The following UVRAG variants were observed in gnomAD, a reference collection of about 807,000 sequenced individuals.
UVRAG encodes UV radiation resistance associated.
Under a neutral mutation model 78.0 loss-of-function variants are expected in UVRAG, and 19 were observed. That is an observed-to-expected ratio of 0.24 (90% CI 0.17 to 0.36). UVRAG has a LOEUF of 0.36. UVRAG is among the 10% of genes least tolerant of loss of function. The pLI, the probability that UVRAG is intolerant of heterozygous loss-of-function variation, is 1.00. For missense variants in UVRAG, 740 were observed against 853.8 expected (o/e 0.87, Z 1.66); for synonymous variants, 323 against 324.6 (o/e 1.00, Z 0.05).
At chr11:75,855,573 C>T (rs757817277) in intron 2 of UVRAG, among the ~76,000 whole-genome samples, 6 of 152,088 alleles carry the variant, frequency 3.9e-5, no homozygotes, top group Non-Finnish European at 8.8e-5. Flanking sequence ...TCTTGTTGGT[C>T]GGACCTATTA....
chr11:75,974,126 C>A (rs1949181748), intron 7 of UVRAG, among the ~76,000 whole-genome samples: 1 of 152,144 alleles, frequency 6.6e-6, no homozygotes. Flanking sequence ...TGAGGAATTG[C>A]CACCTGTCTT....
chr11:76,101,216 A>T (rs752945100), intron 13 of UVRAG, among the ~76,000 whole-genome samples: 1 of 152,136 alleles, frequency 6.6e-6, no homozygotes, highest in Non-Finnish European at 1.5e-5. Context: ...TCCTGCCAAC[A>T]GTGTATAAGC....
intron 3 of UVRAG, among the ~76,000 whole-genome samples, chr11:75,864,488 G>C (rs150129376): frequency 6.6e-6 from 1 of 152,252 alleles, no homozygotes; most frequent in East Asian, 1.9e-4. Flanking sequence ...GAGATGGCAC[G>C]TTGTTACTGC....
At chr11:76,070,695 A>G (rs533730083) in intron 13 of UVRAG, among the ~76,000 whole-genome samples, 1 of 152,314 alleles carries the variant, frequency 6.6e-6, no homozygotes, top group South Asian at 2.1e-4. Flanking sequence ...GGGTAGAGCA[A>G]TGAATAAGAT....
intron 13 of UVRAG, among the ~76,000 whole-genome samples, chr11:76,084,493 A>G (rs1449586991): frequency 6.6e-6 from 1 of 152,198 alleles, no homozygotes; most frequent in Non-Finnish European, 1.5e-5. Flanking sequence ...CCATTAAAAT[A>G]TACATACTAT....
At chr11:76,087,858 T>C (rs1336066566) in intron 13 of UVRAG, among the ~76,000 whole-genome samples, 3 of 152,060 alleles carry the variant, frequency 2.0e-5, no homozygotes, top group African/African-American at 4.8e-5. Flanking sequence ...AGCGTTTAGT[T>C]GTTTTGGTTT....
intron 3 of UVRAG, among the ~76,000 whole-genome samples, chr11:75,870,015 A>T (rs1285682808): frequency 6.6e-6 from 1 of 152,206 alleles, no homozygotes; most frequent in Non-Finnish European, 1.5e-5. Flanking sequence ...TCCCTGGATG[A>T]TATTAGTACT....
At chr11:76,139,804 T>C (rs951873976) in intron 14 of UVRAG, among the ~76,000 whole-genome samples, 7 of 152,188 alleles carry the variant, frequency 4.6e-5, no homozygotes, top group Non-Finnish European at 8.8e-5. Flanking sequence ...AGTGAAATGA[T>C]GTATAGGAAA....
intron 7 of UVRAG, among the ~76,000 whole-genome samples, chr11:75,969,980 GTTTAC>G (rs912408406): frequency 1.3e-5 from 2 of 152,082 alleles, no homozygotes; most frequent in African/African-American, 4.8e-5. Flanking sequence ...AATTTTAATT[GTTTAC>G]TTTATACCTT....
intron 5 of UVRAG, among the ~76,000 whole-genome samples, chr11:75,904,611 GATC>G (rs1484507820): frequency 1.2e-4 from 19 of 152,318 alleles, no homozygotes; most frequent in Admixed American, 6.5e-4. Flanking sequence ...AGGTCCTAGA[GATC>G]ATCAAGTATA....
At chr11:75,936,756 A>C (rs898034640) in intron 6 of UVRAG, among the ~76,000 whole-genome samples, 2 of 152,166 alleles carry the variant, frequency 1.3e-5, no homozygotes, top group African/African-American at 2.4e-5. Context: ...TAATAAAAAA[A>C]CCCACTGTTG....
intron 14 of UVRAG, among the ~76,000 whole-genome samples, chr11:76,120,934 C>A (rs1483858379): frequency 1.3e-5 from 2 of 152,130 alleles, no homozygotes; most frequent in African/African-American, 4.8e-5. Context: ...TTTTGTAAAG[C>A]AAAACACTTC....
intron 1 of UVRAG, among the ~76,000 whole-genome samples, chr11:75,841,904 A>G (rs1345346213): frequency 1.3e-5 from 2 of 152,198 alleles, no homozygotes; most frequent in African/African-American, 4.8e-5. Flanking sequence ...AATTTTGCTC[A>G]GAAATCTGCA....
chr11:76,070,285 G>A (rs1951277517), intron 13 of UVRAG, among the ~76,000 whole-genome samples: 2 of 152,146 alleles, frequency 1.3e-5, no homozygotes, highest in South Asian at 4.1e-4. Flanking sequence ...GTAGGATAGT[G>A]ATTCAGTGGG....
At chr11:75,884,230 C>CTCTCTCTCTCTCTT (rs1224928526) in intron 4 of UVRAG, among the ~76,000 whole-genome samples, 2 of 151,372 alleles carry the variant, frequency 1.3e-5, no homozygotes, top group African/African-American at 4.9e-5. Context: ...CTCTCTCTCT[C>CTCTCTCTCTCTCTT]TCTCTCTCTT....
Position 75,991,576 on chromosome 11 carries a change from AACTT to A in UVRAG, c.826+8069_826+8072del, listed in dbSNP as rs529890345. ...TATGTCAGGGTCAGAGAGATTAAGT[AACTT>A]ACTTAAATTCATGTAGCTAATGAGA... is the stretch of plus-strand genomic sequence containing the variant. On this transcript the variant is annotated intron_variant, in intron 8 of 14. Coordinates refer to ENST00000356136, the MANE Select transcript of UVRAG (RefSeq NM_003369.4). 7.9e-5 allele frequency among the ~76,000 whole-genome samples: 12 copies of A among 152,272 alleles called. 1 individual carries two copies. The East Asian group carries it at 2.1e-3, about 27-fold the overall frequency.
Position 75,880,181 on chromosome 11 carries a change from TTGA to T in UVRAG, c.432+146_432+148del, listed in dbSNP as rs1432984565. The T allele has an allele frequency of 7.9e-6, 7 of 884,232 alleles. No individual in the cohort carries two copies. In the East Asian group the frequency reaches 1.8e-4, roughly 23 times the overall value. The allele number at this position is 884,232 out of a possible 1,614,324, so 54.8% of individuals were successfully genotyped here. A position where few individuals can be genotyped will look rare whatever the true frequency, so the allele number is the denominator to read the frequency against. ...TTTACTTATATCACTAAGAGAGACCTTGATGATCATTTACATATGTTATTATTT... is the reference window on the plus strand; with the variant it reads ...TTTACTTATATCACTAAGAGAGACCTTGATCATTTACATATGTTATTATTT... On this transcript the variant is annotated intron_variant, in intron 4 of 14. Coordinates refer to ENST00000356136, the MANE Select transcript of UVRAG (RefSeq NM_003369.4).
At chr11:75,836,741 G>T (rs1286605857) in intron 1 of UVRAG, among the ~76,000 whole-genome samples, 8 of 152,140 alleles carry the variant, frequency 5.3e-5, no homozygotes, top group African/African-American at 1.9e-4. Context: ...CCTTAAGAAG[G>T]TGCAAGTCAT....
chr11:75,965,953 C>G (rs1323236715), intron 7 of UVRAG, among the ~76,000 whole-genome samples: 2 of 151,922 alleles, frequency 1.3e-5, no homozygotes, highest in African/African-American at 2.4e-5. Context: ...TCACCTTGTT[C>G]CTGGTTTTGA....
Sources: allele counts gnomAD v4.1 joint callset (sites outside exome capture counted in the v4.1 genomes callset), GRCh38; gene constraint gnomAD v4.1.1; transcripts MANE v1.5; gene names NCBI Gene and HGNC (gene_info 2026-07-23, HGNC 2026-07-21).